Variants in DOCK4 observed in about 807,000 individuals in gnomAD.
The protein encoded by DOCK4 is dedicator of cytokinesis 4.
Under a neutral mutation model 268.1 loss-of-function variants are expected in DOCK4, and 97 were observed. The observed-to-expected ratio is 0.36, with a 90% CI of 0.31 to 0.43. The LOEUF is 0.43. Ranked by LOEUF, DOCK4 falls within the 20% of genes least tolerant of loss-of-function variation. The probability of loss-of-function intolerance (pLI) is 1.00; values close to 1 mark genes in which losing one functional copy is unlikely to be tolerated. For missense variants in DOCK4, 2,145 were observed against 2,455.7 expected (o/e 0.87, Z 2.67); for synonymous variants, 954 against 887.2 (o/e 1.08, Z -1.34).
chr7:111,804,349 T>C (rs1800512690), intron 30 of DOCK4, among the ~76,000 whole-genome samples: 1 of 152,218 alleles, frequency 6.6e-6, no homozygotes, highest in Non-Finnish European at 1.5e-5. Flanking sequence ...AGATAAATTC[T>C]GTATGATTCC....
intron 16 of DOCK4, 61 bp from the exon 17 acceptor site, chr7:111,877,247 G>C: frequency 8.1e-7 from 1 of 1,230,622 alleles, no homozygotes. Flanking sequence ...GAATTATTAA[G>C]CATAATTTAT....
intron 23 of DOCK4, among the ~76,000 whole-genome samples, chr7:111,857,418 C>T (rs1307173766): frequency 6.6e-6 from 1 of 152,118 alleles, no homozygotes; most frequent in African/African-American, 2.4e-5. Context: ...CCCTAAAACA[C>T]TTGATTTTTT....
intron 1 of DOCK4, among the ~76,000 whole-genome samples, chr7:112,204,446 A>C (rs918619391): frequency 1.3e-5 from 2 of 152,220 alleles, no homozygotes; most frequent in African/African-American, 4.8e-5. Flanking sequence ...CAAAGGGACT[A>C]TCTTTTTCCC....
chr7:112,205,491 T>A (rs1352069095), intron 1 of DOCK4, among the ~76,000 whole-genome samples: 2 of 151,784 alleles, frequency 1.3e-5, no homozygotes, highest in African/African-American at 4.8e-5. Context: ...CCCCGCAACA[T>A]ACACACCCCA....
chr7:111,823,205 T>C (rs1057005159), intron 26 of DOCK4, among the ~76,000 whole-genome samples: 2 of 60,258 alleles, frequency 3.3e-5, no homozygotes, highest in Admixed American at 1.6e-4. Flanking sequence ...GAAATATTAC[T>C]TTTTTTTTTT....
intron 12 of DOCK4, among the ~76,000 whole-genome samples, chr7:111,934,756 G>T (rs1419003672): frequency 6.7e-6 from 1 of 149,132 alleles, no homozygotes; most frequent in Admixed American, 6.7e-5. Context: ...AGCCAGGATG[G>T]TCTCGATCTC....
Position 111,732,239 on chromosome 7 carries a change from C to A in DOCK4, c.5468G>T (p.Arg1823Leu). The change falls in exon 52 of 53, where the codon CGA becomes CTA. Residue 1823 changes from arginine to leucine, a missense_variant. Transcript: ENST00000428084. ...TTSVSPSPAG[R>L]SPLKGSVQSF... ...AAGGGCCTTTACCTTCAATGGAGATCGCCCGGCAGGCGAGGGGGATACTGA... is the reference window on the plus strand; with the variant it reads ...AAGGGCCTTTACCTTCAATGGAGATAGCCCGGCAGGCGAGGGGGATACTGA... 6.2e-7 allele frequency: 1 copy of A among 1,614,006 alleles called. No individual in the cohort carries two copies. Among genetic ancestry groups the A allele is most frequent in the Non-Finnish European group, 8.5e-7 (1 of 1,179,888 alleles).
chr7:111,830,224 G>A (rs1411861373), intron 26 of DOCK4, among the ~76,000 whole-genome samples: 3 of 152,076 alleles, frequency 2.0e-5, no homozygotes, highest in African/African-American at 7.2e-5. Context: ...TCAGGAGATC[G>A]AGACCATCCT....
At chr7:111,838,060 T>C (rs1803369130) in intron 25 of DOCK4, among the ~76,000 whole-genome samples, 1 of 125,420 alleles carries the variant, frequency 8.0e-6, no homozygotes, top group South Asian at 2.3e-4. Flanking sequence ...CATTCCAGCA[T>C]GGGTGACATT....
intron 13 of DOCK4, 24 bp from the exon 14 acceptor site, chr7:111,901,825 C>T: frequency 6.7e-7 from 1 of 1,489,010 alleles, no homozygotes; most frequent in Non-Finnish European, 9.2e-7. Context: ...AAAATTAAAA[C>T]CATGTTATAT....
At chr7:112,176,434 G>A (rs1818513873) in intron 1 of DOCK4, among the ~76,000 whole-genome samples, 1 of 152,074 alleles carries the variant, frequency 6.6e-6, no homozygotes, top group Non-Finnish European at 1.5e-5. Flanking sequence ...ACATAAAACT[G>A]GGAGCTTTGT....
chr7:112,181,639 CAA>C (rs55807955), intron 1 of DOCK4, among the ~76,000 whole-genome samples: 10 of 65,364 alleles, frequency 1.5e-4, no homozygotes, highest in African/African-American at 2.7e-4. Context: ...GACACTGTCT[CAA>C]AAAAAAAAAA....
intron 2 of DOCK4, among the ~76,000 whole-genome samples, chr7:112,002,263 C>T (rs1042791494): frequency 6.6e-6 from 1 of 151,984 alleles, no homozygotes; most frequent in East Asian, 1.9e-4. Context: ...AAGACAGATC[C>T]AAGAAATACA....
chr7:112,065,561 C>A (rs1477362880), intron 1 of DOCK4, among the ~76,000 whole-genome samples: 1 of 149,450 alleles, frequency 6.7e-6, no homozygotes, highest in African/African-American at 2.5e-5. Context: ...TTCCAGCCTA[C>A]TAGATGGTGC....
At chr7:111,823,482 C>T (rs1288197241) in intron 26 of DOCK4, among the ~76,000 whole-genome samples, 3 of 152,000 alleles carry the variant, frequency 2.0e-5, no homozygotes. Flanking sequence ...TGCTGGGATT[C>T]CAGGCATGAG....
chr7:112,025,965 A>C (rs1334733760), intron 1 of DOCK4, among the ~76,000 whole-genome samples: 1 of 152,192 alleles, frequency 6.6e-6, no homozygotes, highest in Non-Finnish European at 1.5e-5. Context: ...AACTCCCATG[A>C]TACCCAATGC....
chr7:112,116,544 C>T (rs746003594), intron 1 of DOCK4, among the ~76,000 whole-genome samples: 21 of 152,142 alleles, frequency 1.4e-4, no homozygotes, highest in South Asian at 2.1e-4. Context: ...AGTGGGGAAA[C>T]CAGAAGAGAA....
At chr7:112,172,161 C>G (rs1041822179) in intron 1 of DOCK4, among the ~76,000 whole-genome samples, 2 of 152,096 alleles carry the variant, frequency 1.3e-5, no homozygotes, top group Non-Finnish European at 2.9e-5. Context: ...AACAATGCCC[C>G]GATGAAATTT....
At chr7:112,053,884 G>C (rs1022408577) in intron 1 of DOCK4, among the ~76,000 whole-genome samples, 1 of 152,208 alleles carries the variant, frequency 6.6e-6, no homozygotes, top group Non-Finnish European at 1.5e-5. Flanking sequence ...GCTGTTCCTG[G>C]AAGGGGGCAA....
Sources: gnomAD v4.1 joint callset for allele counts (sites outside exome capture counted in the v4.1 genomes callset) on GRCh38, gnomAD v4.1.1 for gene constraint, MANE v1.5 for transcripts, NCBI Gene and HGNC (gene_info 2026-07-23, HGNC 2026-07-21) for gene names.